FAAH2: variants seen among roughly 807,000 people sequenced by gnomAD.
FAAH2 encodes the protein fatty acid amide hydrolase 2, also known as fatty-acid amide hydrolase 2.
Under a neutral mutation model 36.9 loss-of-function variants are expected in FAAH2, and 60 were observed. That is an observed-to-expected ratio of 1.63 (90% CI 1.32 to 2.02). The LOEUF is 2.02. FAAH2 is among the 30% of genes most tolerant of loss of function. The pLI is 0.00. For missense variants in FAAH2, 689 were observed against 397.5 expected (o/e 1.73, Z -6.23); for synonymous variants, 214 against 143.8 (o/e 1.49, Z -3.49).
At chrX:57,147,181 G>A in the FAAH2 span, among the ~76,000 whole-genome samples, 4 of 111,549 alleles carry the variant, frequency 3.6e-5, no homozygotes, top group African/African-American at 1.3e-4. Flanking sequence ...CTGTGAATTT[G>A]TCCCATCCTG....
At chrX:57,180,918 C>A in the FAAH2 span, among the ~76,000 whole-genome samples, 1 of 111,507 alleles carries the variant, frequency 9.0e-6, no homozygotes, top group Admixed American at 9.6e-5. Context: ...AATCCTGCAA[C>A]ACATCAAAAA....
chrX:57,179,972 C>A, the FAAH2 span, among the ~76,000 whole-genome samples: 194 of 112,025 alleles, frequency 1.7e-3, no homozygotes, highest in Middle Eastern at 0.019. Flanking sequence ...TTCCTCAAAA[C>A]CATACAATTA....
chrX:57,314,901 C>A (rs1330117374), intron 3 of FAAH2, among the ~76,000 whole-genome samples: 2 of 110,444 alleles, frequency 1.8e-5, no homozygotes, highest in Non-Finnish European at 3.8e-5. Context: ...AAAATCAATT[C>A]CAAAGCCAGC....
chrX:57,346,755 C>T (rs985206950), intron 5 of FAAH2, among the ~76,000 whole-genome samples: 1 of 111,601 alleles, frequency 9.0e-6, no homozygotes, highest in Non-Finnish European at 1.9e-5. Flanking sequence ...CCCTTAAGGA[C>T]CCCTTTTAAG....
In FAAH2 at chrX:57,344,663, C is replaced by A. The variant is rs144986090; in HGVS notation, c.742+3273C>A. Among the ~76,000 whole-genome samples, 511 of 110,940 alleles carry A rather than the reference C, an allele frequency of 4.6e-3. 3 individuals are homozygous for A. Among genetic ancestry groups the A allele is most frequent in the African/African-American group, 0.016 (485 of 30,569 alleles). On this transcript the variant is annotated intron_variant, in intron 5 of 10. Coordinates refer to ENST00000374900, the MANE Select transcript of FAAH2 (RefSeq NM_174912.4). Reference sequence around the variant, plus strand: ...GAGACTGGACACCTTTGTCTTACTGCAGGTCTCAAGGGGAATTATTCTGTC... The same window carrying A: ...GAGACTGGACACCTTTGTCTTACTGAAGGTCTCAAGGGGAATTATTCTGTC...
At chrX:57,449,489 A>T (rs1256391280) in intron 10 of FAAH2, among the ~76,000 whole-genome samples, 1 of 112,007 alleles carries the variant, frequency 8.9e-6, no homozygotes, top group Non-Finnish European at 1.9e-5. Context: ...TATGCCTTGC[A>T]GTGTTGCAGT....
intron 7 of FAAH2, among the ~76,000 whole-genome samples, chrX:57,408,562 T>C (rs1451334937): frequency 9.1e-6 from 1 of 109,697 alleles, no homozygotes; most frequent in South Asian, 3.8e-4. Context: ...TATTTATTTA[T>C]TTATTTGCCT....
chrX:57,305,849 C>T, intron 2 of FAAH2, among the ~76,000 whole-genome samples: 1 of 111,610 alleles, frequency 9.0e-6, no homozygotes, highest in Non-Finnish European at 1.9e-5. Context: ...AGCTACTACC[C>T]CATCTGATAT....
At chrX:57,354,080 C>T (rs2054099184) in intron 5 of FAAH2, among the ~76,000 whole-genome samples, 1 of 110,717 alleles carries the variant, frequency 9.0e-6, no homozygotes, top group African/African-American at 3.3e-5. Flanking sequence ...ATCTAGCAAT[C>T]TCTCTACTGG....
the FAAH2 span, among the ~76,000 whole-genome samples, chrX:57,177,638 A>G: frequency 1.8e-5 from 1 of 56,424 alleles, no homozygotes; most frequent in Non-Finnish European, 2.6e-5. Context: ...AAACCTGATG[A>G]CTGAAAAAAA....
the FAAH2 span, among the ~76,000 whole-genome samples, chrX:57,188,934 C>T: frequency 9.0e-6 from 1 of 111,164 alleles, no homozygotes; most frequent in African/African-American, 3.3e-5. Flanking sequence ...GTTCATCTTT[C>T]TTGCTAGGTT....
chrX:57,467,424 T>C (rs2057071480), intron 10 of FAAH2, among the ~76,000 whole-genome samples: 1 of 111,591 alleles, frequency 9.0e-6, no homozygotes, highest in Admixed American at 9.5e-5. Flanking sequence ...TTTCCAATGG[T>C]CTTAGCAAAG....
chrX:57,469,278 G>A (rs984496390), intron 10 of FAAH2, among the ~76,000 whole-genome samples: 4 of 111,622 alleles, frequency 3.6e-5, no homozygotes, highest in African/African-American at 9.8e-5. Context: ...TGGGCTAAAC[G>A]CTCCTATTAA....
rs192884940 is a variant in FAAH2 at position 57,444,195 on chromosome X, C to T, written c.1117-2733C>T. Among the ~76,000 whole-genome samples the T allele has an allele frequency of 8.0e-3, 897 of 112,493 alleles. 6 individuals carry two copies. Among genetic ancestry groups the T allele is most frequent in the African/African-American group, 0.027 (853 of 31,032 alleles). On this transcript the variant is annotated intron_variant, in intron 8 of 10. Transcript: ENST00000374900. ...TCTGCTGCCTTTTGTTCAGCTCTGCCCTGCCCCAGAGGTGGAGTCTACAGA... is the reference window on the plus strand; with the variant it reads ...TCTGCTGCCTTTTGTTCAGCTCTGCTCTGCCCCAGAGGTGGAGTCTACAGA...
At chrX:57,179,803 C>A in the FAAH2 span, among the ~76,000 whole-genome samples, 1 of 111,740 alleles carries the variant, frequency 8.9e-6, no homozygotes, top group Admixed American at 9.5e-5. Context: ...CACCCAAAAG[C>A]AACAGAATAT....
chrX:57,131,150 A>G, the FAAH2 span, among the ~76,000 whole-genome samples: 10 of 104,712 alleles, frequency 9.6e-5, no homozygotes, highest in Admixed American at 7.1e-4. Context: ...CAGTGGCGCA[A>G]TCTCGGCTCA....
At chrX:57,419,498 T>C (rs1404710957) in intron 7 of FAAH2, among the ~76,000 whole-genome samples, 1 of 112,581 alleles carries the variant, frequency 8.9e-6, no homozygotes, top group Non-Finnish European at 1.9e-5. Context: ...GTGTGTTTTT[T>C]GGCAGCATAA....
At chrX:57,164,599 C>T in the FAAH2 span, among the ~76,000 whole-genome samples, 1 of 111,334 alleles carries the variant, frequency 9.0e-6, no homozygotes, top group East Asian at 2.8e-4. Flanking sequence ...TAAATGGACC[C>T]CAAACAGAAT....
At chrX:57,445,333 C>T (rs921235990) in intron 8 of FAAH2, among the ~76,000 whole-genome samples, 3 of 111,627 alleles carry the variant, frequency 2.7e-5, no homozygotes, top group African/African-American at 9.8e-5. Flanking sequence ...TCTTGTCTCT[C>T]TTTCCCTCAA....
Sources: allele counts gnomAD v4.1 joint callset (sites outside exome capture counted in the v4.1 genomes callset), GRCh38; gene constraint gnomAD v4.1.1; transcripts MANE v1.5; gene names NCBI Gene and HGNC (gene_info 2026-07-23, HGNC 2026-07-21).